MDGA2: variants seen among roughly 807,000 people sequenced by gnomAD.
MDGA2 encodes MAM domain-containing glycosylphosphatidylinositol anchor protein 2.
In MDGA2, 40 loss-of-function variants were observed where a neutral mutation model predicts 117.8. That is an observed-to-expected ratio of 0.34 (90% CI 0.26 to 0.44). The LOEUF is 0.44. Among genes scored for constraint, MDGA2 ranks in the 20% least tolerant of loss-of-function variants. MDGA2 has a pLI of 1.00. For synonymous variants in MDGA2, 452 were observed against 439.0 expected (o/e 1.03, Z -0.37); for missense variants, 1,123 against 1,250.6 (o/e 0.90, Z 1.54).
chr14:46,952,375 G>A (rs1263220624), intron 9 of MDGA2, among the ~76,000 whole-genome samples: 1 of 151,886 alleles, frequency 6.6e-6, no homozygotes, highest in Non-Finnish European at 1.5e-5. Flanking sequence ...TATTGATGGT[G>A]GTTGAGGATT....
chr14:47,525,729 T>C (rs1448696036), intron 1 of MDGA2, among the ~76,000 whole-genome samples: 2 of 145,358 alleles, frequency 1.4e-5, no homozygotes, highest in African/African-American at 5.2e-5. Flanking sequence ...TGATTTTAAG[T>C]TTTTTTTTTT....
intron 10 of MDGA2, among the ~76,000 whole-genome samples, chr14:46,900,433 A>C (rs919273775): frequency 6.6e-6 from 1 of 152,172 alleles, no homozygotes; most frequent in Non-Finnish European, 1.5e-5. Flanking sequence ...CTTTACTGCT[A>C]ATAGCTAAAA....
chr14:47,053,485 C>T (rs771516383), intron 7 of MDGA2, among the ~76,000 whole-genome samples: 5 of 150,918 alleles, frequency 3.3e-5, no homozygotes, highest in Admixed American at 6.6e-5. Context: ...TCTAAATGAC[C>T]GAGGCATAAC....
chr14:47,168,001 A>C (rs536030423), intron 3 of MDGA2, among the ~76,000 whole-genome samples: 1 of 152,292 alleles, frequency 6.6e-6, no homozygotes, highest in Non-Finnish European at 1.5e-5. Flanking sequence ...CACATTGTTT[A>C]TGGATAAATA....
At chr14:47,010,450 A>G (rs1336944607) in intron 8 of MDGA2, among the ~76,000 whole-genome samples, 1 of 152,084 alleles carries the variant, frequency 6.6e-6, no homozygotes, top group East Asian at 1.9e-4. Context: ...ACATATGGGT[A>G]CCTTATTCAC....
intron 1 of MDGA2, among the ~76,000 whole-genome samples, chr14:47,584,298 T>TA (rs541462077): frequency 2.0e-5 from 3 of 151,870 alleles, no homozygotes; most frequent in Non-Finnish European, 4.4e-5. Context: ...TTTAATGTAA[T>TA]ATGTTATACA....
chr14:47,226,457 G>C (rs932617529), intron 2 of MDGA2, among the ~76,000 whole-genome samples: 1 of 151,828 alleles, frequency 6.6e-6, no homozygotes. Context: ...TTTTCCCTTT[G>C]TCTTTTCTTT....
chr14:46,923,125 A>G (rs1201071808), intron 9 of MDGA2, among the ~76,000 whole-genome samples: 2 of 152,206 alleles, frequency 1.3e-5, no homozygotes, highest in Non-Finnish European at 2.9e-5. Context: ...TTTGTTTACC[A>G]AGATCCATTT....
chr14:47,058,390 A>G lies in MDGA2; in HGVS notation c.1525+2859T>C, dbSNP rs146806211. 1.5e-4 allele frequency among the ~76,000 whole-genome samples: 23 copies of G among 152,292 alleles called. No homozygotes were observed. The East Asian group carries it at 4.4e-3, about 29-fold the overall frequency. ...TTATAATAGAAATACTAGCAAAACC[A>G]AGAATCTAACACATCACCACATATA... On this transcript the variant is annotated intron_variant, in intron 7 of 16. Transcript: ENST00000399232.
intron 14 of MDGA2, among the ~76,000 whole-genome samples, chr14:46,872,872 C>A (rs1031305257): frequency 3.3e-5 from 5 of 151,846 alleles, no homozygotes; most frequent in African/African-American, 1.2e-4. Context: ...TGCATCTGAT[C>A]TTATCCTCTA....
At chr14:47,532,928 T>A (rs781711288) in intron 1 of MDGA2, among the ~76,000 whole-genome samples, 1 of 152,240 alleles carries the variant, frequency 6.6e-6, no homozygotes, top group Non-Finnish European at 1.5e-5. Context: ...TTAGGCTCCA[T>A]CCTATGGCCT....
intron 10 of MDGA2, among the ~76,000 whole-genome samples, chr14:46,887,681 G>A (rs556862645): frequency 3.0e-4 from 46 of 151,780 alleles, no homozygotes; most frequent in African/African-American, 1.0e-3. Context: ...GTTAATACTA[G>A]GTATTATGAA....
intron 1 of MDGA2, among the ~76,000 whole-genome samples, chr14:47,502,057 T>C (rs1227048753): frequency 6.6e-6 from 1 of 152,156 alleles, no homozygotes; most frequent in African/African-American, 2.4e-5. Context: ...GAGTTATGGA[T>C]ACATAGAATT....
chr14:47,404,981 C>T (rs1043852007), intron 1 of MDGA2, among the ~76,000 whole-genome samples: 11 of 151,994 alleles, frequency 7.2e-5, no homozygotes, highest in East Asian at 3.9e-4. Flanking sequence ...AGCTCAGTTT[C>T]GATAAATATT....
At chr14:47,512,999 G>A (rs1894673525) in intron 1 of MDGA2, among the ~76,000 whole-genome samples, 1 of 151,760 alleles carries the variant, frequency 6.6e-6, no homozygotes, top group South Asian at 2.1e-4. Context: ...TTTATTTGAT[G>A]TACACTTCAT....
chr14:47,129,777 T>C (rs1203769828), intron 5 of MDGA2, among the ~76,000 whole-genome samples: 24 of 137,876 alleles, frequency 1.7e-4, no homozygotes, highest in African/African-American at 5.4e-4. Flanking sequence ...TTTTAATGAT[T>C]GCCATTCTAA....
At chr14:46,907,416 T>C (rs920232814) in intron 10 of MDGA2, among the ~76,000 whole-genome samples, 7 of 152,208 alleles carry the variant, frequency 4.6e-5, no homozygotes, top group Admixed American at 1.3e-4. Flanking sequence ...TTCTCTCCTG[T>C]TGACCTCTAT....
At chr14:47,052,438 G>A (rs191268184) in intron 7 of MDGA2, among the ~76,000 whole-genome samples, 18 of 151,902 alleles carry the variant, frequency 1.2e-4, no homozygotes, top group African/African-American at 3.9e-4. Context: ...GATATTTGGG[G>A]AAAATATTGG....
At chr14:47,451,456 C>A (rs2138571007) in intron 1 of MDGA2, among the ~76,000 whole-genome samples, 1 of 152,092 alleles carries the variant, frequency 6.6e-6, no homozygotes, top group African/African-American at 2.4e-5. Context: ...CTTTGGAAGC[C>A]ACACAGATAA....
Sources: gnomAD v4.1 joint callset for allele counts (sites outside exome capture counted in the v4.1 genomes callset) on GRCh38, gnomAD v4.1.1 for gene constraint, MANE v1.5 for transcripts, NCBI Gene and HGNC (gene_info 2026-07-23, HGNC 2026-07-21) for gene names.